Variants in CDH13 observed in about 807,000 individuals in gnomAD.
CDH13 encodes the protein cadherin 13, also known as cadherin-13.
A neutral mutation model predicts 63.8 loss-of-function variants in CDH13; 24 were observed. The ratio of observed to expected loss-of-function variants is 0.38; its 90% confidence interval spans 0.27 to 0.53. The LOEUF (loss-of-function observed/expected upper bound fraction) is 0.53, where lower values mean the gene tolerates loss of function less well. Among genes scored for constraint, CDH13 ranks in the 20% least tolerant of loss-of-function variants. The pLI is 0.85. For missense variants in CDH13, 1,049 were observed against 903.1 expected (o/e 1.16, Z -2.07); for synonymous variants, 503 against 355.3 (o/e 1.42, Z -4.67).
At chr16:83,025,183 A>G (rs1567755474) in intron 2 of CDH13, among the ~76,000 whole-genome samples, 1 of 152,204 alleles carries the variant, frequency 6.6e-6, no homozygotes, top group Non-Finnish European at 1.5e-5. Context: ...GTAGGCATGC[A>G]TTATCTTGTT....
chr16:83,005,845 G>A (rs1389748688), intron 2 of CDH13, among the ~76,000 whole-genome samples: 1 of 152,226 alleles, frequency 6.6e-6, no homozygotes, highest in African/African-American at 2.4e-5. Flanking sequence ...AGGCCTGGCA[G>A]AAATTATGTA....
intron 5 of CDH13, among the ~76,000 whole-genome samples, chr16:83,265,185 C>G (rs1309645485): frequency 6.6e-6 from 1 of 152,124 alleles, no homozygotes; most frequent in South Asian, 2.1e-4. Context: ...TATTTCTGCT[C>G]TAGTTTCTTC....
intron 2 of CDH13, among the ~76,000 whole-genome samples, chr16:83,014,729 T>TAAAAA (rs36157010): frequency 4.5e-5 from 1 of 22,302 alleles, no homozygotes; most frequent in Non-Finnish European, 8.5e-5. Context: ...AGACTCCATC[T>TAAAAA]AAAAAAAAAA....
At chr16:83,555,198 T>C (rs1457587169) in intron 7 of CDH13, among the ~76,000 whole-genome samples, 2 of 152,190 alleles carry the variant, frequency 1.3e-5, no homozygotes, top group African/African-American at 4.8e-5. Context: ...GACAAGTTGA[T>C]ATACAATGTT....
At chr16:83,634,679 G>A (rs969955013) in intron 8 of CDH13, among the ~76,000 whole-genome samples, 5 of 152,136 alleles carry the variant, frequency 3.3e-5, no homozygotes, top group African/African-American at 9.7e-5. Context: ...GGGATTACAG[G>A]TGTGAGCTAC....
At chr16:83,546,978 C>A (rs975284508) in intron 7 of CDH13, among the ~76,000 whole-genome samples, 2 of 152,156 alleles carry the variant, frequency 1.3e-5, no homozygotes, top group Admixed American at 6.5e-5. Flanking sequence ...CACCTCCGGT[C>A]CTGAACAGCC....
intron 6 of CDH13, among the ~76,000 whole-genome samples, chr16:83,452,684 T>C (rs1467719463): frequency 9.2e-5 from 14 of 152,134 alleles, no homozygotes; most frequent in Non-Finnish European, 2.1e-4. Context: ...TGCAATTAAA[T>C]AGAGAAAATA....
At chr16:83,284,025 A>G (rs2089248416) in intron 5 of CDH13, among the ~76,000 whole-genome samples, 1 of 152,234 alleles carries the variant, frequency 6.6e-6, no homozygotes, top group African/African-American at 2.4e-5. Context: ...CCTAGAGCCA[A>G]ACCATTCTCT....
rs1290180951 is a variant in CDH13 at position 82,644,202 on chromosome 16, G to A, written c.45+17065G>A. Among the ~76,000 whole-genome samples, 3 of 152,126 alleles carry A rather than the reference G, an allele frequency of 2.0e-5. No individual in the cohort carries two copies. The highest frequency in any genetic ancestry group is 2.9e-5 in the Non-Finnish European group (2 of 68,024). Reference sequence around the variant, plus strand: ...GAATGTTTGGCACCCTTTGGCTGGTGCGGCTGAAGAATTCAATAGCCTAGT... The same window carrying A: ...GAATGTTTGGCACCCTTTGGCTGGTACGGCTGAAGAATTCAATAGCCTAGT... On this transcript the variant is annotated intron_variant, in intron 1 of 13. Transcript: ENST00000567109. The surrounding 1 kb of genome is among the most constrained non-coding windows in gnomAD (Gnocchi z 5.7).
rs1052562899 is a variant in CDH13 at position 83,800,378 on chromosome 16, G to A, written c.*5348G>A. 5.9e-5 allele frequency: 9 copies of A among 152,138 alleles called. No individual in the cohort carries two copies. The highest frequency in any genetic ancestry group is 2.2e-4 in the African/African-American group (9 of 41,414). The allele number at this position is 152,138 out of a possible 1,614,324, so 9.4% of individuals were successfully genotyped here. Reference sequence around the variant, plus strand: ...GTCATGCACATGTCAACACTGTCCTGATGACAAAATTTTATGTATCCCCCC... The same window carrying A: ...GTCATGCACATGTCAACACTGTCCTAATGACAAAATTTTATGTATCCCCCC... On this transcript the variant is annotated 3_prime_UTR_variant, in exon 14 of 14. Transcript: ENST00000567109.
At chr16:82,669,214 T>C (rs1912956701) in intron 1 of CDH13, among the ~76,000 whole-genome samples, 1 of 152,208 alleles carries the variant, frequency 6.6e-6, no homozygotes, top group Non-Finnish European at 1.5e-5. Context: ...TGGTAGCCTT[T>C]GGGGCATCAT....
At chr16:82,807,867 A>G (rs949055608) in intron 1 of CDH13, among the ~76,000 whole-genome samples, 1 of 152,192 alleles carries the variant, frequency 6.6e-6, no homozygotes, top group Non-Finnish European at 1.5e-5. Context: ...GCTCTTCCAT[A>G]CTTAAGACAC....
At chr16:82,942,453 G>C (rs1428090872) in intron 2 of CDH13, among the ~76,000 whole-genome samples, 1 of 152,140 alleles carries the variant, frequency 6.6e-6, no homozygotes, top group Non-Finnish European at 1.5e-5. Context: ...AAGTGCTCTG[G>C]TAATAGAAAT....
At position 83,071,998 on chromosome 16, in the gene CDH13, T is replaced by G. The variant is rs1597273029; in HGVS notation, c.366+39780T>G. On this transcript the variant is annotated intron_variant, in intron 3 of 13. Coordinates refer to ENST00000567109, the MANE Select transcript of CDH13 (RefSeq NM_001257.5). The stretch of plus-strand genomic sequence containing the variant: ...AAAGCACATATGCAATTCTAAATTT[T>G]CTTGGATAAGCTTTTAAAAACTAAA... Among the ~76,000 whole-genome samples, 5 of 152,286 alleles carry G rather than the reference T, an allele frequency of 3.3e-5. No homozygotes were observed. The South Asian group carries it at 1.0e-3, about 32-fold the overall frequency.
In CDH13 at chr16:83,403,005, CT is replaced by C. The variant is rs548496228; in HGVS notation, c.781+58000del. ...CTTCTTAAAGCATGTCTGAGCTCCC[CT>C]AGCCACCCTGATTTATAATGTGATA... is the stretch of plus-strand genomic sequence containing the variant. On this transcript the variant is annotated intron_variant, in intron 6 of 13. Transcript: ENST00000567109. Among the ~76,000 whole-genome samples, 517 of 152,288 alleles carry C rather than the reference CT, an allele frequency of 3.4e-3. 2 individuals are homozygous for C. Among genetic ancestry groups the C allele is most frequent in the Middle Eastern group, 0.014 (4 of 294 alleles).
chr16:83,792,124 C>T (rs1302245504), intron 13 of CDH13, among the ~76,000 whole-genome samples: 1 of 152,044 alleles, frequency 6.6e-6, no homozygotes, highest in Non-Finnish European at 1.5e-5. Context: ...GTATTATGGA[C>T]AGACACGGCC....
At chr16:83,282,412 C>A (rs2089201375) in intron 5 of CDH13, among the ~76,000 whole-genome samples, 1 of 152,096 alleles carries the variant, frequency 6.6e-6, no homozygotes, top group Non-Finnish European at 1.5e-5. Context: ...AAAAGCAAAG[C>A]ACAATAAAAT....
At chr16:83,149,159 C>T (rs1034257120) in intron 4 of CDH13, among the ~76,000 whole-genome samples, 1 of 152,168 alleles carries the variant, frequency 6.6e-6, no homozygotes, top group Admixed American at 6.5e-5. Flanking sequence ...ATTATTTCCT[C>T]TCTATATTGA....
chr16:83,759,485 A>T (rs912018251), intron 11 of CDH13, among the ~76,000 whole-genome samples: 1 of 152,058 alleles, frequency 6.6e-6, no homozygotes, highest in African/African-American at 2.4e-5. Context: ...GTGTAAGCAA[A>T]GCTTTTCGTA....
Sources: gnomAD v4.1 joint callset for allele counts (sites outside exome capture counted in the v4.1 genomes callset) on GRCh38, gnomAD v4.1.1 for gene constraint, Gnocchi (gnomAD v3.1) non-coding constraint, MANE v1.5 for transcripts, NCBI Gene and HGNC (gene_info 2026-07-23, HGNC 2026-07-21) for gene names.